The following ANXA8 variants were observed in gnomAD, a reference collection of about 807,000 sequenced individuals.
ANXA8 encodes VAC-beta.
ANXA8 carries 9 observed loss-of-function variants against 26.8 expected under a neutral mutation model. The ratio of observed to expected loss-of-function variants is 0.34; its 90% CI spans 0.20 to 0.59. The LOEUF is 0.59. Among genes scored for constraint, ANXA8 ranks in the 20% least tolerant of loss-of-function variants. The probability of loss-of-function intolerance (pLI) is 0.84; values close to 1 mark genes in which losing one functional copy is unlikely to be tolerated. For synonymous variants in ANXA8, 39 were observed against 94.8 expected (o/e 0.41, Z 3.42); for missense variants, 83 against 238.5 (o/e 0.35, Z 4.29).
At chr10:47,469,152 G>A (rs1259308422) in intron 11 of ANXA8, among the ~76,000 whole-genome samples, 3 of 148,062 alleles carry the variant, frequency 2.0e-5, no homozygotes, top group Non-Finnish European at 4.5e-5. Flanking sequence ...AAATGAATCA[G>A]AGACAGTTCC....
At chr10:47,609,203 A>G in the ANXA8 span, among the ~76,000 whole-genome samples, 2 of 146,754 alleles carry the variant, frequency 1.4e-5, no homozygotes, top group African/African-American at 5.4e-5. Context: ...GTCCCTTCCT[A>G]ACTTCCCCTG....
the ANXA8 span, among the ~76,000 whole-genome samples, chr10:47,498,181 C>T: frequency 6.7e-6 from 1 of 150,356 alleles, no homozygotes; most frequent in African/African-American, 2.4e-5. Flanking sequence ...CTGGCAACCC[C>T]CGTTCTACCT....
chr10:47,703,996 G>T, the ANXA8 span, among the ~76,000 whole-genome samples: 6 of 142,116 alleles, frequency 4.2e-5, 1 homozygote, highest in African/African-American at 1.5e-4. Flanking sequence ...TAAGTGTCAA[G>T]GTAATGAAAA....
At chr10:47,768,567 G>A in the ANXA8 span, among the ~76,000 whole-genome samples, 1 of 150,846 alleles carries the variant, frequency 6.6e-6, no homozygotes, top group African/African-American at 2.5e-5. Context: ...GGCTGGGGCT[G>A]TGATGTGGAC....
At chr10:47,491,522 C>T in the ANXA8 span, 11 of 988,410 alleles carry the variant, frequency 1.1e-5, no homozygotes, top group Non-Finnish European at 1.6e-5. Context: ...TCCTCGCCTG[C>T]CTACGTAGAT....
chr10:47,687,675 T>G, the ANXA8 span, among the ~76,000 whole-genome samples: 1 of 151,952 alleles, frequency 6.6e-6, no homozygotes, highest in Non-Finnish European at 1.5e-5. Flanking sequence ...TAGTGGTAAA[T>G]CTAATAATGA....
chr10:47,667,997 C>T, the ANXA8 span, among the ~76,000 whole-genome samples: 8 of 151,966 alleles, frequency 5.3e-5, no homozygotes, highest in African/African-American at 1.9e-4. Flanking sequence ...TTCGGCCTCC[C>T]AAAGTGCTGG....
the ANXA8 span, among the ~76,000 whole-genome samples, chr10:47,895,344 C>T: frequency 5.3e-5 from 8 of 151,864 alleles, no homozygotes; most frequent in Non-Finnish European, 1.5e-5. Flanking sequence ...AGCAAAGGTG[C>T]TCCTTAGACC....
At chr10:47,694,218 AT>A in the ANXA8 span, among the ~76,000 whole-genome samples, 25 of 151,238 alleles carry the variant, frequency 1.7e-4, no homozygotes, top group Admixed American at 3.3e-4. Context: ...AAAAAATCAG[AT>A]TTTTTTTGTC....
the ANXA8 span, among the ~76,000 whole-genome samples, chr10:47,953,067 T>C: frequency 2.0e-5 from 3 of 150,430 alleles, no homozygotes; most frequent in Non-Finnish European, 4.4e-5. Context: ...CAAAGATTTC[T>C]CAGGGCACAT....
At chr10:47,676,791 A>C in the ANXA8 span, among the ~76,000 whole-genome samples, 1 of 148,588 alleles carries the variant, frequency 6.7e-6, no homozygotes, top group Non-Finnish European at 1.5e-5. Context: ...GGTGGTGCAC[A>C]CCTGTAGTCC....
the ANXA8 span, among the ~76,000 whole-genome samples, chr10:47,492,433 C>T: frequency 1.4e-5 from 2 of 146,784 alleles, no homozygotes; most frequent in African/African-American, 4.9e-5. Flanking sequence ...GGAGATGCTT[C>T]TGGCCTTAGC....
chr10:47,536,847 G>C, the ANXA8 span, among the ~76,000 whole-genome samples: 1 of 118,984 alleles, frequency 8.4e-6, no homozygotes, highest in East Asian at 3.2e-4. Flanking sequence ...CAAATTTGAA[G>C]AGGAAACAAT....
intron 11 of ANXA8, among the ~76,000 whole-genome samples, chr10:47,470,094 C>T (rs1246549131): frequency 1.3e-5 from 2 of 151,784 alleles, no homozygotes; most frequent in African/African-American, 2.4e-5. Flanking sequence ...GAAAGAAAAG[C>T]ATTAATTTTG....
At chr10:47,664,964 C>G in the ANXA8 span, among the ~76,000 whole-genome samples, 17,111 of 137,080 alleles carry the variant, frequency 0.12, 339 homozygotes, top group South Asian at 0.2. Context: ...TAGGCTCAAG[C>G]AGTCCTCCCA....
chr10:47,561,467 C>T, the ANXA8 span, among the ~76,000 whole-genome samples: 1 of 151,900 alleles, frequency 6.6e-6, no homozygotes, highest in Admixed American at 6.6e-5. Flanking sequence ...CTCAAAGAAA[C>T]TTATTCCTCC....
chr10:47,700,210 A>G, the ANXA8 span, among the ~76,000 whole-genome samples: 5 of 151,922 alleles, frequency 3.3e-5, no homozygotes, highest in African/African-American at 1.2e-4. Context: ...TGACAAAGGA[A>G]AACTACAGAG....
chr10:47,527,881 T>G, the ANXA8 span, among the ~76,000 whole-genome samples: 815 of 148,648 alleles, frequency 5.5e-3, 7 homozygotes, highest in African/African-American at 0.019. Flanking sequence ...AAAAAACACA[T>G]TTTTGAGGTT....
chr10:47,653,367 C>A, the ANXA8 span, among the ~76,000 whole-genome samples: 1 of 150,936 alleles, frequency 6.6e-6, no homozygotes, highest in Non-Finnish European at 1.5e-5. Context: ...GAAGAAATAA[C>A]AATAGCTATA....
Sources: allele counts gnomAD v4.1 joint callset (sites outside exome capture counted in the v4.1 genomes callset), GRCh38; gene constraint gnomAD v4.1.1; transcripts MANE v1.5; gene names NCBI Gene and HGNC (gene_info 2026-07-23, HGNC 2026-07-21).